Variants in CNEP1R1 observed in about 807,000 individuals in gnomAD.
The protein encoded by CNEP1R1 is CTD nuclear envelope phosphatase 1 regulatory subunit 1.
A neutral mutation model predicts 22.7 loss-of-function variants in CNEP1R1; 10 were observed. The ratio of observed to expected loss-of-function variants is 0.44; its 90% CI spans 0.27 to 0.75. The LOEUF is 0.75. CNEP1R1 is among the 30% of genes least tolerant of loss of function. CNEP1R1 has a pLI of 0.17. For synonymous variants in CNEP1R1, 53 were observed against 50.1 expected, an observed-to-expected ratio of 1.06 and a Z score of -0.25; for missense variants, 73 against 151.5, an observed-to-expected ratio of 0.48 and a Z score of 2.72.
chr16:50,031,229 T>C (rs1359206231), intron 3 of CNEP1R1, among the ~76,000 whole-genome samples: 2 of 152,238 alleles, frequency 1.3e-5, no homozygotes, highest in African/African-American at 4.8e-5. Flanking sequence ...GAGAAGGCTT[T>C]TGTCATCAGT....
intron 2 of CNEP1R1, among the ~76,000 whole-genome samples, chr16:50,029,211 T>C (rs2036211672): frequency 6.6e-6 from 1 of 152,214 alleles, no homozygotes; most frequent in Admixed American, 6.5e-5. Flanking sequence ...TTTAAGTCTC[T>C]TAAAGAAAAT....
intron 2 of CNEP1R1, among the ~76,000 whole-genome samples, chr16:50,027,820 A>G (rs1235787775): frequency 6.6e-6 from 1 of 152,214 alleles, no homozygotes; most frequent in Admixed American, 6.5e-5. Flanking sequence ...CTATCTATTC[A>G]TAAGTATCAT....
chr16:50,026,015 C>G (rs767780058), intron 1 of CNEP1R1: 23 of 455,980 alleles, frequency 5.0e-5, no homozygotes, highest in Admixed American at 2.3e-4. Context: ...CTACGTGGTT[C>G]TAATAGGAAG....
In CNEP1R1 at chr16:50,037,061, A is replaced by G. The variant is rs965163618; in HGVS notation, c.*1603A>G. The G allele has an allele frequency of 2.0e-5, 3 of 150,596 alleles. No homozygotes were observed. The highest frequency in any genetic ancestry group is 4.4e-5 in the Non-Finnish European group (3 of 67,784). 9.3% of individuals were successfully genotyped at this position (150,596 alleles called of 1,614,324 possible). A position where few individuals can be genotyped will look rare whatever the true frequency, so the allele number is the denominator to read the frequency against. On this transcript the variant is annotated 3_prime_UTR_variant, in exon 6 of 6. Coordinates refer to ENST00000427478, the MANE Select transcript of CNEP1R1 (RefSeq NM_001281789.2). ...TTTTGTAGGTAAATATGTGCATTAA[A>G]AATAAATACTTTATATATAACTCGT...
In CNEP1R1 at chr16:50,025,330, G is replaced by A; in HGVS notation, c.15G>A (p.Glu5=). The change falls in exon 1 of 6, where the codon GAG becomes GAA. Residue 5 remains glutamate, a synonymous_variant. Coordinates refer to ENST00000427478, the MANE Select transcript of CNEP1R1 (RefSeq NM_001281789.2). The part of the protein sequence containing the change: MNSL[E]QAEDLKAFER... Reference sequence around the variant, plus strand: ...TGCCGCCCGACATGAACTCGCTGGAGCAGGCGGAAGGTAGGGTGGGCCGCC... The same window carrying A: ...TGCCGCCCGACATGAACTCGCTGGAACAGGCGGAAGGTAGGGTGGGCCGCC... 1 of 1,437,600 alleles carries A rather than the reference G, an allele frequency of 7.0e-7. No individual in the cohort carries two copies. The highest frequency in any genetic ancestry group is 2.7e-5 in the East Asian group (1 of 37,212). The allele number at this position is 1,437,600 out of a possible 1,614,324, so 89.1% of individuals were successfully genotyped here.
At position 50,027,444 on chromosome 16, in the gene CNEP1R1, C is replaced by T. The variant is rs535634872; in HGVS notation, c.97+977C>T. ...AATGGAGTGAACCCAGGAGGCAGAG[C>T]TTGCAGTGAGCCGAGATTGCACCAC... On this transcript the variant is annotated intron_variant, in intron 2 of 5. Transcript: ENST00000427478. Among the ~76,000 whole-genome samples the T allele has an allele frequency of 2.4e-4, 36 of 148,572 alleles. No individual in the cohort carries two copies. The South Asian group carries it at 7.7e-3, about 32-fold the overall frequency.
At chr16:50,028,186 CCT>C (rs2036203160) in intron 2 of CNEP1R1, among the ~76,000 whole-genome samples, 1 of 152,196 alleles carries the variant, frequency 6.6e-6, no homozygotes, top group African/African-American at 2.4e-5. Context: ...GTGTCAAACT[CCT>C]CACCTCAGGT....
chr16:50,026,613 G>T, intron 2 of CNEP1R1, 146 bp downstream of exon 2: 3 of 633,720 alleles, frequency 4.7e-6, no homozygotes, highest in Non-Finnish European at 8.2e-6. Flanking sequence ...TTAAGAAAAG[G>T]AAATTATAAC....
At chr16:50,027,104 A>C (rs2036191252) in intron 2 of CNEP1R1, among the ~76,000 whole-genome samples, 1 of 152,220 alleles carries the variant, frequency 6.6e-6, no homozygotes, top group South Asian at 2.1e-4. Flanking sequence ...ATAAAATTTT[A>C]GTAAGAAGAG....
intron 3 of CNEP1R1, among the ~76,000 whole-genome samples, chr16:50,032,283 C>T (rs181992944): frequency 1.6e-4 from 25 of 152,330 alleles, no homozygotes; most frequent in Non-Finnish European, 2.9e-4. Context: ...CTCCAGTCAA[C>T]GTTTCCATTT....
At position 50,035,776 on chromosome 16, in the gene CNEP1R1, A is replaced by G; in HGVS notation, c.*318A>G. 4.2e-6 allele frequency: 1 copy of G among 240,316 alleles called. No homozygotes were observed. 14.9% of individuals were successfully genotyped at this position (240,316 alleles called of 1,614,324 possible). On this transcript the variant is annotated 3_prime_UTR_variant, in exon 6 of 6. Transcript: ENST00000427478. ...GAACCTCATTCAGTTTTTATAATGT[A>G]TTTTTGCAAACTACTGTAAATAGCA...
chr16:50,035,057 A>C (rs540039617), intron 5 of CNEP1R1, among the ~76,000 whole-genome samples: 4 of 152,164 alleles, frequency 2.6e-5, no homozygotes, highest in Admixed American at 6.5e-5. Flanking sequence ...CATTACAGAA[A>C]TTAGAATAAA....
At position 50,025,354 on chromosome 16, in the gene CNEP1R1, C is replaced by T. The variant is rs548094811; in HGVS notation, c.25+14C>T. 8.9e-4 allele frequency: 1,276 copies of T among 1,437,004 alleles called. 3 individuals carry two copies. The highest frequency in any genetic ancestry group is 3.9e-3 in the Admixed American group (129 of 32,990). 89.0% of individuals were successfully genotyped at this position (1,437,004 alleles called of 1,614,324 possible). A position where few individuals can be genotyped will look rare whatever the true frequency, so the allele number is the denominator to read the frequency against. On this transcript the variant is annotated intron_variant, in intron 1 of 5. Coordinates refer to ENST00000427478, the MANE Select transcript of CNEP1R1 (RefSeq NM_001281789.2). ...AGCAGGCGGAAGGTAGGGTGGGCCGCCCGGGCCCGTCCCCCGTCTCCCCTC... is the reference window on the plus strand; with the variant it reads ...AGCAGGCGGAAGGTAGGGTGGGCCGTCCGGGCCCGTCCCCCGTCTCCCCTC...
At position 50,035,567 on chromosome 16, in the gene CNEP1R1, C is replaced by A. The variant is rs2036268956; in HGVS notation, c.*109C>A. The A allele has an allele frequency of 1.4e-6, 1 of 729,576 alleles. No individual in the cohort carries two copies. The highest frequency in any genetic ancestry group is 2.6e-5 in the Admixed American group (1 of 38,380). The allele number at this position is 729,576 out of a possible 1,614,324, so 45.2% of individuals were successfully genotyped here. A position where few individuals can be genotyped will look rare whatever the true frequency, so the allele number is the denominator to read the frequency against. ...GCGGTTGGATATGTAAAGGTCATAG[C>A]AGCAACTGACAAGAAGTGTGCAATA... On this transcript the variant is annotated 3_prime_UTR_variant, in exon 6 of 6. Transcript: ENST00000427478.
At chr16:50,026,267 G>T in intron 1 of CNEP1R1, 129 bp from the exon 2 acceptor site, 1 of 644,046 alleles carries the variant, frequency 1.6e-6, no homozygotes. Flanking sequence ...GTGATACATG[G>T]AAGTTAGTGT....
At chr16:50,031,982 G>A (rs1357422294) in intron 3 of CNEP1R1, among the ~76,000 whole-genome samples, 1 of 152,180 alleles carries the variant, frequency 6.6e-6, no homozygotes. Context: ...ACTCCTCGGA[G>A]GTTTGAAGAA....
At chr16:50,035,337 C>A in intron 5 of CNEP1R1, 80 bp from the exon 6 acceptor site, 3 of 791,660 alleles carry the variant, frequency 3.8e-6, no homozygotes, top group Non-Finnish European at 6.5e-6. Context: ...CTTGCACATA[C>A]CCTTTAAGGT....
At chr16:50,033,551 T>A (rs760901398) in intron 4 of CNEP1R1, 45 bp downstream of exon 4, 2 of 1,060,750 alleles carry the variant, frequency 1.9e-6, no homozygotes, top group Non-Finnish European at 2.9e-6. Flanking sequence ...AAGTGCTTTG[T>A]TGATCTAGGT....
rs2036215813 is a variant in CNEP1R1 at position 50,029,720 on chromosome 16, A to G, written c.98-5A>G. ...CTTACTAATTTCGTGTTTATCTTTC[A>G]TCAGTGCTTCTTATAGTGGTATCTG... is the stretch of plus-strand genomic sequence containing the variant. On this transcript the variant is annotated splice_polypyrimidine_tract_variant and splice_region_variant and intron_variant, in intron 2 of 5. Transcript: ENST00000427478. 2 of 1,592,738 alleles carry G rather than the reference A, an allele frequency of 1.3e-6. No individual in the cohort carries two copies. Among genetic ancestry groups the G allele is most frequent in the Non-Finnish European group, 8.6e-7 (1 of 1,163,028 alleles).
Sources: allele counts gnomAD v4.1 joint callset (sites outside exome capture counted in the v4.1 genomes callset), GRCh38; gene constraint gnomAD v4.1.1; transcripts MANE v1.5; gene names NCBI Gene and HGNC (gene_info 2026-07-23, HGNC 2026-07-21).